CCDC25: variants seen among roughly 807,000 people sequenced by gnomAD.
The protein encoded by CCDC25 is coiled-coil domain-containing protein 25.
CCDC25 carries 16 observed loss-of-function variants against 35.3 expected under a neutral mutation model. The ratio of observed to expected loss-of-function variants is 0.45; its 90% CI spans 0.31 to 0.69. CCDC25 has a LOEUF of 0.69. Ranked by LOEUF, CCDC25 falls within the 30% of genes least tolerant of loss-of-function variation. The probability of loss-of-function intolerance (pLI) is 0.06; values close to 1 mark genes in which losing one functional copy is unlikely to be tolerated. For synonymous variants in CCDC25, 79 were observed against 80.3 expected, an observed-to-expected ratio of 0.98 and a Z score of 0.09; for missense variants, 179 against 250.7, an observed-to-expected ratio of 0.71 and a Z score of 1.93.
intron 4 of CCDC25, among the ~76,000 whole-genome samples, chr8:27,754,264 A>G (rs1803917941): frequency 1.3e-5 from 2 of 152,268 alleles, no homozygotes. Flanking sequence ...TAATTGCAGC[A>G]TATTATTAAC....
chr8:27,761,948 G>A (rs754841438), intron 3 of CCDC25, among the ~76,000 whole-genome samples: 1 of 152,104 alleles, frequency 6.6e-6, no homozygotes, highest in Non-Finnish European at 1.5e-5. Context: ...AGAAGGCGTC[G>A]GGGTTGGATC....
Position 27,748,212 on chromosome 8 carries a change from T to G in CCDC25, c.416A>C (p.Glu139Ala). 6.2e-7 allele frequency: 1 copy of G among 1,614,014 alleles called. No homozygotes were observed. The highest frequency in any genetic ancestry group is 1.3e-5 in the African/African-American group (1 of 75,052). The change falls in exon 7 of 9, where the codon GAG becomes GCG. Residue 139 changes from glutamate (E) to alanine (A), a missense_variant. Transcript: ENST00000356537. ...ILNRLEKTKV[E>A]RFPDLAAEKE... The stretch of plus-strand genomic sequence containing the variant: ...CTCTGCTGCTAGGTCTGGGAACCGC[T>G]CGACTTTGGTCTTTTCTAATCGGTT...
At chr8:27,762,600 G>T in intron 2 of CCDC25, 142 bp from the exon 3 acceptor site, 1 of 591,258 alleles carries the variant, frequency 1.7e-6, no homozygotes, top group Non-Finnish European at 2.9e-6. Context: ...AGGCCTTGAT[G>T]CTTGAAAATA....
Position 27,734,430 on chromosome 8 carries a change from T to C in CCDC25, c.*1786A>G, listed in dbSNP as rs1188036336. ...ATCCAACGTTTAGGAAACAATCCAA[T>C]GGCAAGAAATGAGAGGAGTTCAATG... On this transcript the variant is annotated 3_prime_UTR_variant, in exon 9 of 9. Transcript: ENST00000356537. 1 of 152,272 alleles carries C rather than the reference T, an allele frequency of 6.6e-6. No individual in the cohort carries two copies. Among genetic ancestry groups the C allele is most frequent in the East Asian group, 1.9e-4 (1 of 5,184 alleles). The allele number at this position is 152,272 out of a possible 1,614,324, so 9.4% of individuals were successfully genotyped here. A position where few individuals can be genotyped will look rare whatever the true frequency, so the allele number is the denominator to read the frequency against.
intron 7 of CCDC25, 82 bp downstream of exon 7, chr8:27,747,995 T>C (rs1803660824): frequency 7.5e-7 from 1 of 1,331,668 alleles, no homozygotes; most frequent in Non-Finnish European, 1.1e-6. Context: ...CACCAATATA[T>C]CGTTCTTAAT....
At chr8:27,758,127 G>A (rs530440155) in intron 3 of CCDC25, among the ~76,000 whole-genome samples, 34 of 152,194 alleles carry the variant, frequency 2.2e-4, no homozygotes, top group Admixed American at 1.2e-3. Flanking sequence ...ATGCAAGATG[G>A]ACTAATACAT....
intron 1 of CCDC25, 40 bp downstream of exon 1, chr8:27,772,473 G>A (rs1390067033): frequency 6.5e-7 from 1 of 1,544,458 alleles, no homozygotes; most frequent in South Asian, 1.2e-5. Flanking sequence ...TTCGGAGCCC[G>A]CTGTCCAGCA....
intron 7 of CCDC25, among the ~76,000 whole-genome samples, chr8:27,742,454 C>T (rs1323227765): frequency 6.6e-6 from 1 of 152,238 alleles, no homozygotes; most frequent in Admixed American, 6.5e-5. Context: ...GTCCTGACTG[C>T]ATCTGAAAAT....
intron 1 of CCDC25, among the ~76,000 whole-genome samples, chr8:27,770,786 A>G (rs1307397277): frequency 2.0e-5 from 3 of 152,164 alleles, no homozygotes; most frequent in African/African-American, 7.2e-5. Context: ...CACCTTTAAC[A>G]AGCATATAGA....
intron 7 of CCDC25, among the ~76,000 whole-genome samples, chr8:27,740,784 G>A (rs1465140710): frequency 1.3e-5 from 2 of 152,220 alleles, no homozygotes; most frequent in East Asian, 1.9e-4. Context: ...ATAACTTGGC[G>A]AGACAGGTGG....
At chr8:27,738,127 G>C (rs1254498646) in intron 8 of CCDC25, among the ~76,000 whole-genome samples, 1 of 151,966 alleles carries the variant, frequency 6.6e-6, no homozygotes, top group Non-Finnish European at 1.5e-5. Context: ...GAGTGGGAGG[G>C]GGGTGAGGGA....
In CCDC25 at chr8:27,737,827, C is replaced by G. The variant is rs1232768282; in HGVS notation, c.598-1582G>C. Among the ~76,000 whole-genome samples, 3 of 151,876 alleles carry G rather than the reference C, an allele frequency of 2.0e-5. No individual in the cohort carries two copies. Among genetic ancestry groups the G allele is most frequent in the Non-Finnish European group, 2.9e-5 (2 of 67,980 alleles). On this transcript the variant is annotated intron_variant, in intron 8 of 8. Transcript: ENST00000356537. This position sits in a 1 kb window ranked among gnomAD's most constrained non-coding sequence, Gnocchi z 4.6. ...CAATTGCAAAATTGTGGAACAAACC[C>G]AAATGCCCATCAATCAACGAGTGGA...
chr8:27,759,146 T>G (rs1804123236), intron 3 of CCDC25, among the ~76,000 whole-genome samples: 1 of 152,216 alleles, frequency 6.6e-6, no homozygotes, highest in South Asian at 2.1e-4. Context: ...CTTTCCTGAA[T>G]GCAGAGACCA....
chr8:27,747,778 CAGA>C (rs1276226089), intron 7 of CCDC25: 1 of 337,178 alleles, frequency 3.0e-6, no homozygotes, highest in Non-Finnish European at 5.4e-6. Flanking sequence ...TTTTCCTTTC[CAGA>C]AGAACTTTAC....
intron 1 of CCDC25, among the ~76,000 whole-genome samples, chr8:27,769,852 T>C (rs1158331335): frequency 1.3e-5 from 2 of 152,216 alleles, no homozygotes; most frequent in Non-Finnish European, 2.9e-5. Flanking sequence ...ACTTAAATCT[T>C]ACCTTTTGGC....
In CCDC25 at chr8:27,772,615, G is replaced by A; in HGVS notation, c.-75C>T. ...TCACGAAGCTCAGGATACCAGACTC[G>A]CGGCGGCCGCCTGGCCCCCGGAACT... On this transcript the variant is annotated 5_prime_UTR_variant, in exon 1 of 9. Transcript: ENST00000356537. 2 of 1,465,698 alleles carry A rather than the reference G, an allele frequency of 1.4e-6. No homozygotes were observed. Among genetic ancestry groups the A allele is most frequent in the Non-Finnish European group, 1.9e-6 (2 of 1,075,470 alleles). 90.8% of individuals were successfully genotyped at this position (1,465,698 alleles called of 1,614,324 possible). A position where few individuals can be genotyped will look rare whatever the true frequency, so the allele number is the denominator to read the frequency against.
At chr8:27,753,346 T>C (rs1192464558) in intron 4 of CCDC25, among the ~76,000 whole-genome samples, 2 of 152,136 alleles carry the variant, frequency 1.3e-5, no homozygotes, top group Non-Finnish European at 2.9e-5. Context: ...ACCTACTAAT[T>C]ACAATGGCTA....
intron 1 of CCDC25, among the ~76,000 whole-genome samples, chr8:27,767,644 T>A (rs1477664056): frequency 6.6e-6 from 1 of 152,214 alleles, no homozygotes; most frequent in Non-Finnish European, 1.5e-5. Context: ...TTGTAAGGTA[T>A]TTTTTGTTAC....
At chr8:27,752,427 C>T (rs779262867) in intron 5 of CCDC25, 85 bp downstream of exon 5, 9 of 1,063,518 alleles carry the variant, frequency 8.5e-6, no homozygotes, top group Non-Finnish European at 1.1e-5. Flanking sequence ...AGGCCAAAGT[C>T]AACAGCATGC....
Sources: gnomAD v4.1 joint callset for allele counts (sites outside exome capture counted in the v4.1 genomes callset) on GRCh38, gnomAD v4.1.1 for gene constraint, Gnocchi (gnomAD v3.1) non-coding constraint, MANE v1.5 for transcripts, NCBI Gene and HGNC (gene_info 2026-07-23, HGNC 2026-07-21) for gene names.